Variants in TRPC5 observed in about 807,000 individuals in gnomAD.
The protein encoded by TRPC5 is transient receptor potential cation channel subfamily C member 5.
In TRPC5, 9 loss-of-function variants were observed where a neutral mutation model predicts 56.5. That is an observed-to-expected ratio of 0.16 (90% CI 0.10 to 0.28). The LOEUF (loss-of-function observed/expected upper bound fraction) is 0.28, where lower values mean the gene tolerates loss of function less well. Among genes scored for constraint, TRPC5 ranks in the 10% least tolerant of loss-of-function variants. TRPC5 has a pLI of 1.00. For synonymous variants in TRPC5, 282 were observed against 278.5 expected, an observed-to-expected ratio of 1.01 and a Z score of -0.13; for missense variants, 469 against 748.9, an observed-to-expected ratio of 0.63 and a Z score of 4.36.
intron 1 of TRPC5, among the ~76,000 whole-genome samples, chrX:112,057,820 A>C (rs1930374998): frequency 1.8e-5 from 2 of 112,042 alleles, no homozygotes; most frequent in African/African-American, 6.5e-5. Context: ...AGCTTATTAA[A>C]ATTCAAATTT....
At chrX:112,033,337 G>A (rs1399916900) in intron 1 of TRPC5, among the ~76,000 whole-genome samples, 2 of 108,399 alleles carry the variant, frequency 1.8e-5, no homozygotes, top group Non-Finnish European at 3.8e-5. Flanking sequence ...CCTGCATGTT[G>A]TGCACATGTA....
At chrX:111,953,919 T>C (rs1294107861) in intron 1 of TRPC5, among the ~76,000 whole-genome samples, 1 of 111,341 alleles carries the variant, frequency 9.0e-6, no homozygotes, top group Non-Finnish European at 1.9e-5. Flanking sequence ...AATGACAAAT[T>C]TCTCTCCACA....
chrX:111,915,259 G>C (rs906414608), intron 2 of TRPC5, among the ~76,000 whole-genome samples: 12 of 111,970 alleles, frequency 1.1e-4, no homozygotes, highest in African/African-American at 3.9e-4. Flanking sequence ...AATGCTTTCT[G>C]AAACTACTCG....
chrX:111,844,227 A>G (rs1922854133), intron 6 of TRPC5, among the ~76,000 whole-genome samples: 1 of 110,373 alleles, frequency 9.1e-6, no homozygotes, highest in Admixed American at 9.7e-5. Flanking sequence ...TCAGGAGATG[A>G]GGGCTGGATC....
At chrX:112,019,452 T>G (rs776860208) in intron 1 of TRPC5, among the ~76,000 whole-genome samples, 1,350 of 109,889 alleles carry the variant, frequency 0.012, 21 homozygotes, top group African/African-American at 0.043. Context: ...TTTTTTTTTT[T>G]TGGGATGGAA....
intron 1 of TRPC5, among the ~76,000 whole-genome samples, chrX:112,027,520 G>A (rs1247502348): frequency 1.8e-5 from 2 of 110,269 alleles, no homozygotes; most frequent in Non-Finnish European, 3.8e-5. Context: ...TTTTTGACAT[G>A]GAGTCTCGCT....
In TRPC5 at chrX:111,847,315, T is replaced by C; in HGVS notation, c.1499A>G (p.Asn500Ser). 8.3e-7 allele frequency: 1 copy of C among 1,210,573 alleles called. No individual in the cohort carries two copies. Among genetic ancestry groups the C allele is most frequent in the Non-Finnish European group, 1.1e-6 (1 of 895,261 alleles). Residue 500 changes from asparagine to serine, a missense_variant, in exon 6 of 11, where the codon AAC becomes AGC. Coordinates refer to ENST00000262839, the MANE Select transcript of TRPC5 (RefSeq NM_012471.3). ...SLRLISLFTA[N>S]SHLGPLQISL... ...GATCTGCAGAGGTCCTAAGTGGGAG[T>C]TGGCTGTGAACAGGGATATGAGACG...
intron 7 of TRPC5, among the ~76,000 whole-genome samples, chrX:111,828,231 C>G (rs949770272): frequency 7.2e-5 from 8 of 111,842 alleles, no homozygotes; most frequent in Non-Finnish European, 1.5e-4. Flanking sequence ...TGTGTCCCCA[C>G]CCAAATCTCA....
intron 1 of TRPC5, among the ~76,000 whole-genome samples, chrX:112,026,477 A>G (rs150487646): frequency 0.025 from 2,754 of 112,090 alleles, 86 homozygotes; most frequent in African/African-American, 0.084. Flanking sequence ...GTAGAACTAA[A>G]TAAGATAAAG....
intron 1 of TRPC5, among the ~76,000 whole-genome samples, chrX:111,964,030 T>C (rs1460529428): frequency 9.0e-6 from 1 of 111,560 alleles, no homozygotes; most frequent in East Asian, 2.8e-4. Flanking sequence ...TACTCCGAGC[T>C]ACAGGAGGAA....
At chrX:111,808,161 G>T (rs1052056876) in intron 7 of TRPC5, among the ~76,000 whole-genome samples, 23 of 109,798 alleles carry the variant, frequency 2.1e-4, no homozygotes, top group Admixed American at 1.1e-3. Flanking sequence ...AGGCCCTAGG[G>T]CTCTACAATC....
At chrX:112,046,016 C>A (rs1202583485) in intron 1 of TRPC5, among the ~76,000 whole-genome samples, 1 of 110,560 alleles carries the variant, frequency 9.0e-6, no homozygotes, top group Non-Finnish European at 1.9e-5. Flanking sequence ...GAGTTACTGG[C>A]ACCTAGTCAG....
chrX:111,856,689 G>A (rs1482602373), intron 3 of TRPC5, among the ~76,000 whole-genome samples: 2 of 107,466 alleles, frequency 1.9e-5, no homozygotes, highest in Non-Finnish European at 3.8e-5. Context: ...GGTGGTGTGC[G>A]CCTGTAATCT....
intron 7 of TRPC5, among the ~76,000 whole-genome samples, chrX:111,784,528 G>A (rs1274240085): frequency 9.0e-6 from 1 of 111,708 alleles, no homozygotes; most frequent in Non-Finnish European, 1.9e-5. Flanking sequence ...GATGATTTCA[G>A]CATTTCCAAC....
At chrX:111,966,980 G>A (rs1271795725) in intron 1 of TRPC5, among the ~76,000 whole-genome samples, 1 of 111,409 alleles carries the variant, frequency 9.0e-6, no homozygotes. Context: ...TCTGGCTAGG[G>A]CAATTAGGCA....
chrX:111,779,953 T>TA (rs1388683135), intron 9 of TRPC5, among the ~76,000 whole-genome samples: 2 of 112,130 alleles, frequency 1.8e-5, no homozygotes, highest in African/African-American at 6.5e-5. Context: ...CAATGAATCT[T>TA]ATTTAAGATT....
chrX:111,980,618 C>G (rs1603129059), intron 1 of TRPC5, among the ~76,000 whole-genome samples: 1 of 110,324 alleles, frequency 9.1e-6, no homozygotes, highest in African/African-American at 3.3e-5. Context: ...CACTCATTAA[C>G]TTAAATAAAA....
chrX:112,024,393 C>G (rs1929362979), intron 1 of TRPC5, among the ~76,000 whole-genome samples: 1 of 111,721 alleles, frequency 9.0e-6, no homozygotes, highest in South Asian at 3.8e-4. Context: ...AGAGGGGACC[C>G]TTCCTGCCTG....
chrX:111,777,098 T>A, intron 10 of TRPC5, 96 bp from the exon 11 acceptor site: 2 of 668,973 alleles, frequency 3.0e-6, no homozygotes, highest in Non-Finnish European at 4.2e-6. Context: ...GGTTTTTGCC[T>A]AGTAGCAAAT....
Sources: gnomAD v4.1 joint callset for allele counts (sites outside exome capture counted in the v4.1 genomes callset) on GRCh38, gnomAD v4.1.1 for gene constraint, MANE v1.5 for transcripts, NCBI Gene and HGNC (gene_info 2026-07-23, HGNC 2026-07-21) for gene names.